The following LRBA variants were observed in gnomAD, a reference collection of about 807,000 sequenced individuals.
LRBA encodes lipopolysaccharide-responsive and beige-like anchor protein.
In LRBA, 176 loss-of-function variants were observed where a neutral mutation model predicts 330.0. The observed-to-expected ratio is 0.53, with a 90% confidence interval of 0.47 to 0.60. LRBA has a LOEUF of 0.60. Among genes scored for constraint, LRBA ranks in the 20% least tolerant of loss-of-function variants. The probability of loss-of-function intolerance (pLI) is 0.00; values close to 1 mark genes in which losing one functional copy is unlikely to be tolerated. For synonymous variants in LRBA, 1,230 were observed against 1,193.0 expected (o/e 1.03, Z -0.64); for missense variants, 3,259 against 3,444.8 (o/e 0.95, Z 1.35).
intron 40 of LRBA, among the ~76,000 whole-genome samples, chr4:150,504,278 G>C (rs1392630832): frequency 6.6e-6 from 1 of 152,034 alleles, no homozygotes; most frequent in African/African-American, 2.4e-5. Context: ...GCAACTCCAA[G>C]ACCCATAATT....
intron 36 of LRBA, among the ~76,000 whole-genome samples, chr4:150,685,418 ATATTTTTTTTTTTT>A (rs1409103003): frequency 5.3e-5 from 1 of 18,790 alleles, no homozygotes; most frequent in Non-Finnish European, 9.1e-5. Flanking sequence ...ATATATATAT[ATATTTTTTTTTTTT>A]TTTTTTTTTT....
chr4:150,834,452 T>A (rs546936939), intron 28 of LRBA, among the ~76,000 whole-genome samples: 2 of 152,326 alleles, frequency 1.3e-5, no homozygotes, highest in East Asian at 1.9e-4. Context: ...AATCTCCTTG[T>A]ATATCTGATC....
intron 38 of LRBA, 116 bp from the exon 39 acceptor site, chr4:150,590,975 G>A (rs1286091623): frequency 2.4e-5 from 19 of 801,494 alleles, no homozygotes; most frequent in Non-Finnish European, 3.1e-5. Context: ...TATACACAGT[G>A]TCAGCTACAG....
At chr4:150,356,876 T>G (rs771431862) in intron 47 of LRBA, among the ~76,000 whole-genome samples, 1 of 151,948 alleles carries the variant, frequency 6.6e-6, no homozygotes, top group Non-Finnish European at 1.5e-5. Flanking sequence ...TTTATCCTAT[T>G]TACAAAGAAA....
At chr4:150,702,208 T>A (rs1785186385) in intron 36 of LRBA, among the ~76,000 whole-genome samples, 1 of 152,110 alleles carries the variant, frequency 6.6e-6, no homozygotes, top group Non-Finnish European at 1.5e-5. Flanking sequence ...AACCACTAAA[T>A]GAGAAACAAA....
intron 16 of LRBA, among the ~76,000 whole-genome samples, chr4:150,895,680 TCA>T (rs1444453762): frequency 6.6e-6 from 1 of 152,220 alleles, no homozygotes; most frequent in Non-Finnish European, 1.5e-5. Context: ...ATCCAGTCTA[TCA>T]CTGTTGGACA....
chr4:150,625,030 T>C (rs947042177), intron 37 of LRBA, among the ~76,000 whole-genome samples: 1 of 152,232 alleles, frequency 6.6e-6, no homozygotes, highest in African/African-American at 2.4e-5. Context: ...AACTAGAAAA[T>C]AGGTTTTTGG....
chr4:150,422,464 A>C (rs1302272358), intron 46 of LRBA, among the ~76,000 whole-genome samples: 1 of 152,118 alleles, frequency 6.6e-6, no homozygotes, highest in African/African-American at 2.4e-5. Flanking sequence ...ACAACAACAA[A>C]AAATCTAACC....
intron 44 of LRBA, among the ~76,000 whole-genome samples, chr4:150,457,179 G>C (rs1426769105): frequency 6.6e-6 from 1 of 151,898 alleles, no homozygotes; most frequent in Non-Finnish European, 1.5e-5. Flanking sequence ...CCAAAAACTT[G>C]CTTCAAATGA....
At chr4:150,272,559 A>G (rs2126716977) in intron 56 of LRBA, among the ~76,000 whole-genome samples, 1 of 152,120 alleles carries the variant, frequency 6.6e-6, no homozygotes, top group Admixed American at 6.5e-5. Flanking sequence ...GGAAGCTAAG[A>G]ACCTTGAAAA....
chr4:150,770,609 A>G (rs1736428956), intron 34 of LRBA, among the ~76,000 whole-genome samples: 1 of 148,866 alleles, frequency 6.7e-6, no homozygotes, highest in African/African-American at 2.5e-5. Flanking sequence ...ACACACACAC[A>G]AACACATATA....
Position 150,828,307 on chromosome 4 carries a change from G to A in LRBA, c.5044C>T (p.Leu1682Phe). Residue 1682 changes from leucine (L) to phenylalanine (F), a missense_variant, in exon 30 of 57, where the codon CTC becomes TTC. By Grantham distance (22) the Leu-to-Phe change is conservative (BLOSUM62 0). Coordinates refer to ENST00000651943, the MANE Select transcript of LRBA (RefSeq NM_001364905.1). ...VSKNVNVKDI[L>F]RSLVNIPADG... ...GCTGGTATGTTAACCAAGCTTCGGA[G>A]AATGTCTTTCACATTGACGTTTTTT... 6.2e-7 allele frequency: 1 copy of A among 1,614,158 alleles called. No individual in the cohort carries two copies. The highest frequency in any genetic ancestry group is 1.1e-5 in the South Asian group (1 of 91,088).
chr4:150,881,916 G>C (rs1213806662), intron 17 of LRBA, among the ~76,000 whole-genome samples: 2 of 151,964 alleles, frequency 1.3e-5, no homozygotes, highest in Non-Finnish European at 2.9e-5. Flanking sequence ...GCAAAACCCT[G>C]TCTCTATTAA....
chr4:151,005,230 G>A (rs1208664686), intron 2 of LRBA, among the ~76,000 whole-genome samples: 1 of 151,756 alleles, frequency 6.6e-6, no homozygotes, highest in Non-Finnish European at 1.5e-5. Context: ...CGGATCATGA[G>A]GTCAAGAGTT....
At chr4:150,878,110 A>AGT (rs1754262763) in intron 17 of LRBA, among the ~76,000 whole-genome samples, 1 of 152,058 alleles carries the variant, frequency 6.6e-6, no homozygotes, top group African/African-American at 2.4e-5. Flanking sequence ...AGGTGGGCAG[A>AGT]TCACTTGAGA....
intron 56 of LRBA, among the ~76,000 whole-genome samples, chr4:150,270,891 TAAAG>T (rs958227014): frequency 6.6e-6 from 1 of 152,218 alleles, no homozygotes; most frequent in Non-Finnish European, 1.5e-5. Flanking sequence ...TATTTACTGA[TAAAG>T]ATGATGATAC....
intron 37 of LRBA, among the ~76,000 whole-genome samples, chr4:150,642,315 A>G (rs889570930): frequency 2.6e-5 from 4 of 151,982 alleles, no homozygotes; most frequent in Non-Finnish European, 5.9e-5. Flanking sequence ...AGAATGGTAT[A>G]ACATACTAGG....
At chr4:150,489,381 TATA>T (rs1758482228) in intron 41 of LRBA, among the ~76,000 whole-genome samples, 1 of 66,582 alleles carries the variant, frequency 1.5e-5, no homozygotes. Context: ...ATATATTACA[TATA>T]AGAATATAAA....
Position 150,645,176 on chromosome 4 carries a change from T to C in LRBA, c.5921+38375A>G, listed in dbSNP as rs114412812. Reference sequence around the variant, plus strand: ...TCTTAACAGTGGTAAGGTTTTATTATGATTTTCCGCTAAGGGCATAGACTG... The same window carrying C: ...TCTTAACAGTGGTAAGGTTTTATTACGATTTTCCGCTAAGGGCATAGACTG... On this transcript the variant is annotated intron_variant, in intron 37 of 56. Coordinates refer to ENST00000651943, the MANE Select transcript of LRBA (RefSeq NM_001364905.1). 2.4e-3 allele frequency among the ~76,000 whole-genome samples: 353 copies of C among 149,450 alleles called. 1 individual carries two copies. The highest frequency in any genetic ancestry group is 7.9e-3 in the African/African-American group (325 of 40,938).
Sources: gnomAD v4.1 joint callset for allele counts (sites outside exome capture counted in the v4.1 genomes callset) on GRCh38, gnomAD v4.1.1 for gene constraint, MANE v1.5 for transcripts, NCBI Gene and HGNC (gene_info 2026-07-23, HGNC 2026-07-21) for gene names.